Variants in ELAVL1 observed in about 807,000 individuals in gnomAD.
ELAVL1 encodes the protein ELAV-like protein 1.
A neutral mutation model predicts 28.4 loss-of-function variants in ELAVL1; 1 was observed. That is an observed-to-expected ratio of 0.04 (90% CI 0.01 to 0.17). ELAVL1 has a LOEUF of 0.17. Ranked by LOEUF, ELAVL1 falls within the 10% of genes least tolerant of loss-of-function variation. ELAVL1 has a pLI of 1.00. For missense variants in ELAVL1, 157 were observed against 447.2 expected (o/e 0.35, Z 5.85); for synonymous variants, 174 against 183.5 (o/e 0.95, Z 0.42).
intron 1 of ELAVL1, among the ~76,000 whole-genome samples, chr19:8,000,069 G>C (rs1310481042): frequency 6.6e-6 from 1 of 152,150 alleles, no homozygotes; most frequent in Non-Finnish European, 1.5e-5. Context: ...GAGCCACCAC[G>C]CTTGGCCGCT....
Position 7,980,983 on chromosome 19 carries a change from G to C in ELAVL1, c.276+100C>G. On this transcript the variant is annotated intron_variant, in intron 3 of 5. Transcript: ENST00000407627. ...ATGGGAGCCCCCGAGGAGCGGCTGT[G>C]CTCATAGTCCCTTGGAGAGTGACTG... 4 of 1,209,684 alleles carry C rather than the reference G, an allele frequency of 3.3e-6. No homozygotes were observed. The Admixed American group carries it at 5.2e-5, about 16-fold the overall frequency. The allele number at this position is 1,209,684 out of a possible 1,614,324, so 74.9% of individuals were successfully genotyped here.
chr19:7,988,023 C>A (rs1985651484), intron 2 of ELAVL1, among the ~76,000 whole-genome samples: 1 of 152,126 alleles, frequency 6.6e-6, no homozygotes, highest in African/African-American at 2.4e-5. Flanking sequence ...GCATAGGAGG[C>A]CAGTTAAGAG....
intron 1 of ELAVL1, among the ~76,000 whole-genome samples, chr19:8,005,183 A>G (rs773236075): frequency 6.6e-6 from 1 of 151,846 alleles, no homozygotes; most frequent in Non-Finnish European, 1.5e-5. Flanking sequence ...CCGCCCCCGG[A>G]GCCCGGGCTT....
chr19:7,998,060 C>T (rs1330172603), intron 1 of ELAVL1, among the ~76,000 whole-genome samples: 6 of 152,182 alleles, frequency 3.9e-5, no homozygotes, highest in Admixed American at 3.9e-4. Flanking sequence ...CTGAGCAGCC[C>T]CTGCAGGTCA....
intron 5 of ELAVL1, among the ~76,000 whole-genome samples, chr19:7,964,121 T>C (rs891025553): frequency 5.9e-5 from 9 of 152,176 alleles, no homozygotes; most frequent in Middle Eastern, 3.2e-3. Context: ...TGATGGGCGC[T>C]TCTCCTGGTC....
intron 3 of ELAVL1, among the ~76,000 whole-genome samples, chr19:7,975,838 G>A (rs1985266438): frequency 6.6e-6 from 1 of 152,204 alleles, no homozygotes. Context: ...CAGGTGTGGT[G>A]GCGCAGGCCA....
In ELAVL1 at chr19:7,984,623, TG is replaced by T; in HGVS notation, c.173-3438del. Among the ~76,000 whole-genome samples the T allele has an allele frequency of 3.3e-5, 5 of 152,110 alleles. No individual in the cohort carries two copies. In the East Asian group the frequency reaches 7.8e-4, roughly 24 times the overall value. On this transcript the variant is annotated intron_variant, in intron 2 of 5. Coordinates refer to ENST00000407627, the MANE Select transcript of ELAVL1 (RefSeq NM_001419.3). ...AATGCCCCACCCAGAGGACAGGTAG[TG>T]GGGGCAGGCCCCTGATCTCCCTACA...
intron 2 of ELAVL1, among the ~76,000 whole-genome samples, chr19:7,984,749 A>C (rs535184435): frequency 6.6e-6 from 1 of 152,332 alleles, no homozygotes; most frequent in Admixed American, 6.5e-5. Flanking sequence ...CAGGTGAGGG[A>C]TGAAGGTGCC....
intron 3 of ELAVL1, among the ~76,000 whole-genome samples, chr19:7,974,875 A>C (rs867303815): frequency 1.3e-5 from 2 of 152,206 alleles, no homozygotes; most frequent in African/African-American, 4.8e-5. Flanking sequence ...ATCCTCTGAG[A>C]AGCTCCTATC....
chr19:7,983,272 C>T (rs1474877640), intron 2 of ELAVL1, among the ~76,000 whole-genome samples: 10 of 152,190 alleles, frequency 6.6e-5, no homozygotes, highest in South Asian at 6.2e-4. Context: ...GGACCAGGCC[C>T]GTGTGGAGCG....
chr19:7,963,941 A>G lies in ELAVL1; in HGVS notation c.657-134T>C. On this transcript the variant is annotated intron_variant, in intron 5 of 5. Transcript: ENST00000407627. This position sits in a 1 kb window ranked among gnomAD's most constrained non-coding sequence, Gnocchi z 4.5. ...CGCAGCCACGAGGTGCTCACGGTTG[A>G]GACACCTGCATGGGTCAAAACCCTG... 1.0e-6 allele frequency: 1 copy of G among 974,342 alleles called. No homozygotes were observed. Among genetic ancestry groups the G allele is most frequent in the Non-Finnish European group, 1.5e-6 (1 of 673,840 alleles). 60.4% of individuals were successfully genotyped at this position (974,342 alleles called of 1,614,324 possible).
chr19:7,980,237 GA>G (rs1229260951), intron 3 of ELAVL1, among the ~76,000 whole-genome samples: 3 of 152,148 alleles, frequency 2.0e-5, no homozygotes, highest in Admixed American at 6.5e-5. Flanking sequence ...GCTGCTGCAG[GA>G]AGCCCAGTTG....
intron 1 of ELAVL1, among the ~76,000 whole-genome samples, chr19:7,995,876 C>T (rs771299238): frequency 8.8e-4 from 132 of 150,436 alleles, no homozygotes; most frequent in Admixed American, 1.3e-3. Context: ...AATCCACCAA[C>T]TGGAGTAAAC....
rs573967230 is a variant in ELAVL1 at position 7,970,410 on chromosome 19, C to T, written c.431-2620G>A. Reference sequence around the variant, plus strand: ...GACCTCGTGATCCGCCCACCTTGGCCTCCCAAAGTGCTGGGATTACAGGCA... The same window carrying T: ...GACCTCGTGATCCGCCCACCTTGGCTTCCCAAAGTGCTGGGATTACAGGCA... On this transcript the variant is annotated intron_variant, in intron 4 of 5. Transcript: ENST00000407627. 1.5e-4 allele frequency among the ~76,000 whole-genome samples: 23 copies of T among 152,340 alleles called. No individual in the cohort carries two copies. The East Asian group carries it at 4.2e-3, about 28-fold the overall frequency.
intron 4 of ELAVL1, among the ~76,000 whole-genome samples, chr19:7,971,988 T>C (rs949702503): frequency 1.3e-5 from 2 of 152,010 alleles, no homozygotes; most frequent in African/African-American, 4.8e-5. Flanking sequence ...GCTGGGGGAG[T>C]GCTGCTGTTC....
chr19:7,975,954 G>C (rs528795159), intron 3 of ELAVL1, among the ~76,000 whole-genome samples: 1 of 152,048 alleles, frequency 6.6e-6, no homozygotes, highest in African/African-American at 2.4e-5. Context: ...TTAGCTGGTC[G>C]TGGTGGGGCA....
At position 7,959,554 on chromosome 19, in the gene ELAVL1, A is replaced by T. The variant is rs192857836; in HGVS notation, c.*3929T>A. ...GTGACTTACAAGTGAGAAAAAAAAA[A>T]TTTGTTTTTTTAAATGGCCAAGAAA... On this transcript the variant is annotated 3_prime_UTR_variant, in exon 6 of 6. Transcript: ENST00000407627. 250 of 152,294 alleles carry T rather than the reference A, an allele frequency of 1.6e-3. No homozygotes were observed. Among genetic ancestry groups the T allele is most frequent in the African/African-American group, 5.6e-3 (232 of 41,552 alleles). 9.4% of individuals were successfully genotyped at this position (152,294 alleles called of 1,614,324 possible). A position where few individuals can be genotyped will look rare whatever the true frequency, so the allele number is the denominator to read the frequency against.
chr19:8,002,078 C>T (rs1340268642), intron 1 of ELAVL1: 3 of 1,289,246 alleles, frequency 2.3e-6, no homozygotes, highest in Admixed American at 4.6e-5. Context: ...AAGCCCTCTG[C>T]CCAGTGGACA....
At chr19:7,980,972 G>C (rs1247407575) in intron 3 of ELAVL1, 111 bp downstream of exon 3, 7 of 1,065,962 alleles carry the variant, frequency 6.6e-6, no homozygotes, top group Non-Finnish European at 1.0e-5. Context: ...GAGCCCCCGA[G>C]GAGCGGCTGT....
Sources: gnomAD v4.1 joint callset for allele counts (sites outside exome capture counted in the v4.1 genomes callset) on GRCh38, gnomAD v4.1.1 for gene constraint, Gnocchi (gnomAD v3.1) non-coding constraint, MANE v1.5 for transcripts, NCBI Gene and HGNC (gene_info 2026-07-23, HGNC 2026-07-21) for gene names.